OCA2: variants seen among roughly 807,000 people sequenced by gnomAD.
OCA2 encodes the protein OCA2 melanosomal transmembrane protein, also known as P protein.
A neutral mutation model predicts 100.2 loss-of-function variants in OCA2; 77 were observed. The ratio of observed to expected loss-of-function variants is 0.77; its 90% CI spans 0.64 to 0.93. OCA2 has a LOEUF of 0.93. Ranked by LOEUF, OCA2 falls within the 40% of genes least tolerant of loss-of-function variation. The probability of loss-of-function intolerance (pLI) is 0.00; values close to 1 mark genes in which losing one functional copy is unlikely to be tolerated. For missense variants in OCA2, 1,062 were observed against 1,089.1 expected, an observed-to-expected ratio of 0.98 and a Z score of 0.35; for synonymous variants, 432 against 439.2, an observed-to-expected ratio of 0.98 and a Z score of 0.21.
At chr15:27,965,150 G>A (rs574007591) in intron 15 of OCA2, among the ~76,000 whole-genome samples, 37 of 152,204 alleles carry the variant, frequency 2.4e-4, no homozygotes, top group Non-Finnish European at 5.1e-4. Flanking sequence ...GCAGGATGAC[G>A]GTTGAGCTCT....
intron 14 of OCA2, among the ~76,000 whole-genome samples, chr15:27,967,482 G>A (rs1177576905): frequency 5.9e-5 from 9 of 152,174 alleles, no homozygotes; most frequent in Admixed American, 5.2e-4. Context: ...CCAAGATAGG[G>A]TGAAAAAAGA....
intron 18 of OCA2, among the ~76,000 whole-genome samples, chr15:27,938,198 A>G (rs2039524071): frequency 6.6e-6 from 1 of 152,226 alleles, no homozygotes; most frequent in African/African-American, 2.4e-5. Context: ...AACCTTACAT[A>G]GATTAGGTCC....
chr15:27,914,434 A>G (rs1001395650), intron 19 of OCA2, among the ~76,000 whole-genome samples: 2 of 152,202 alleles, frequency 1.3e-5, no homozygotes, highest in Non-Finnish European at 2.9e-5. Context: ...CTCTTTTCAC[A>G]GACAATATGG....
chr15:27,832,498 G>C (rs1244706329), intron 23 of OCA2, among the ~76,000 whole-genome samples: 1 of 152,164 alleles, frequency 6.6e-6, no homozygotes. Flanking sequence ...CTCTTGCCCG[G>C]CCATCAGGGA....
At chr15:27,792,048 G>A (rs1175475141) in intron 23 of OCA2, among the ~76,000 whole-genome samples, 2 of 152,162 alleles carry the variant, frequency 1.3e-5, no homozygotes, top group Non-Finnish European at 2.9e-5. Flanking sequence ...CACAGCCTGC[G>A]GTGAGAAGTA....
intron 18 of OCA2, among the ~76,000 whole-genome samples, chr15:27,937,963 T>A (rs776051514): frequency 2.6e-5 from 4 of 152,198 alleles, no homozygotes; most frequent in Non-Finnish European, 5.9e-5. Flanking sequence ...ACTTTTCATA[T>A]CCAATTTAAA....
At chr15:27,872,629 G>A (rs896508085) in intron 19 of OCA2, among the ~76,000 whole-genome samples, 4 of 152,092 alleles carry the variant, frequency 2.6e-5, no homozygotes, top group Non-Finnish European at 4.4e-5. Context: ...ATTCCATCGC[G>A]CTGAAAGACT....
intron 9 of OCA2, among the ~76,000 whole-genome samples, chr15:28,012,041 C>T (rs1304890525): frequency 6.7e-6 from 1 of 150,352 alleles, no homozygotes; most frequent in Non-Finnish European, 1.5e-5. Flanking sequence ...AACCACATAT[C>T]CAACAGTCTG....
chr15:27,771,529 C>T (rs1337497770), intron 23 of OCA2, among the ~76,000 whole-genome samples: 1 of 152,206 alleles, frequency 6.6e-6, no homozygotes, highest in Admixed American at 6.5e-5. Flanking sequence ...GAGGTGGCTG[C>T]AGGGGTGACT....
At chr15:27,829,920 C>A (rs923374551) in intron 23 of OCA2, among the ~76,000 whole-genome samples, 2 of 152,172 alleles carry the variant, frequency 1.3e-5, no homozygotes. Context: ...TTTCAACTGG[C>A]AAATGCATTT....
chr15:27,946,834 T>C (rs2039855708), intron 18 of OCA2, among the ~76,000 whole-genome samples: 1 of 152,230 alleles, frequency 6.6e-6, no homozygotes, highest in Non-Finnish European at 1.5e-5. Context: ...AGTGTTATTC[T>C]CATTTTCCCT....
chr15:27,723,225 C>A, the OCA2 span, among the ~76,000 whole-genome samples: 31 of 152,178 alleles, frequency 2.0e-4, no homozygotes, highest in Middle Eastern at 3.4e-3. Context: ...CCTCCTCTGC[C>A]CCCCCACTTC....
At chr15:28,082,253 C>A (rs940792160) in intron 1 of OCA2, among the ~76,000 whole-genome samples, 1 of 152,124 alleles carries the variant, frequency 6.6e-6, no homozygotes, top group South Asian at 2.1e-4. Flanking sequence ...ATCAGCAGGA[C>A]GTGGGCGGGG....
intron 23 of OCA2, among the ~76,000 whole-genome samples, chr15:27,796,311 G>GT (rs2033330158): frequency 6.6e-6 from 1 of 152,260 alleles, no homozygotes; most frequent in Non-Finnish European, 1.5e-5. Flanking sequence ...AGAGAGAGCA[G>GT]TGACGACCCC....
intron 23 of OCA2, among the ~76,000 whole-genome samples, chr15:27,808,246 G>A (rs919192507): frequency 6.6e-6 from 1 of 152,202 alleles, no homozygotes; most frequent in African/African-American, 2.4e-5. Flanking sequence ...TGTGCAGCAG[G>A]GCTGGGCAAA....
At chr15:27,821,991 A>T (rs768590178) in intron 23 of OCA2, among the ~76,000 whole-genome samples, 45 of 152,238 alleles carry the variant, frequency 3.0e-4, no homozygotes, top group Non-Finnish European at 5.7e-4. Flanking sequence ...TACATCACTT[A>T]ATAAGCATAT....
intron 6 of OCA2, among the ~76,000 whole-genome samples, 175 bp from the exon 7 acceptor site, chr15:28,018,732 C>T (rs976592224): frequency 1.3e-5 from 2 of 152,200 alleles, no homozygotes; most frequent in Admixed American, 6.5e-5. Flanking sequence ...ACATCTCAGC[C>T]CTCATTCAAG....
chr15:27,998,496 G>A (rs2041821771), intron 9 of OCA2, among the ~76,000 whole-genome samples: 2 of 148,196 alleles, frequency 1.3e-5, no homozygotes, highest in Admixed American at 6.8e-5. Flanking sequence ...AAACCACAAT[G>A]AGATACCATC....
chr15:27,936,787 A>C lies in OCA2; in HGVS notation c.1952-10533T>G, dbSNP rs1022887894. Among the ~76,000 whole-genome samples the C allele has an allele frequency of 2.4e-4, 37 of 152,250 alleles. 1 individual carries two copies. The South Asian group carries it at 7.3e-3, about 30-fold the overall frequency. The stretch of plus-strand genomic sequence containing the variant: ...CCAAGATACCCGCTGTAGCTGCAAC[A>C]CCAAAGCTCGGAGTGAAGCTAATGG... On this transcript the variant is annotated intron_variant, in intron 18 of 23. Coordinates refer to ENST00000354638, the MANE Select transcript of OCA2 (RefSeq NM_000275.3).
Sources: allele counts gnomAD v4.1 joint callset (sites outside exome capture counted in the v4.1 genomes callset), GRCh38; gene constraint gnomAD v4.1.1; transcripts MANE v1.5; gene names NCBI Gene and HGNC (gene_info 2026-07-23, HGNC 2026-07-21).